NRG1: variants seen among roughly 807,000 people sequenced by gnomAD.
The protein encoded by NRG1 is pro-neuregulin-1, membrane-bound isoform.
NRG1 carries 18 observed loss-of-function variants against 63.8 expected under a neutral mutation model. The ratio of observed to expected loss-of-function variants is 0.28; its 90% CI spans 0.19 to 0.42. NRG1 has a LOEUF of 0.42. Among genes scored for constraint, NRG1 ranks in the 10% least tolerant of loss-of-function variants. The probability of loss-of-function intolerance (pLI) is 1.00; values close to 1 mark genes in which losing one functional copy is unlikely to be tolerated. For missense variants in NRG1, 762 were observed against 814.7 expected (o/e 0.94, Z 0.79); for synonymous variants, 302 against 301.3 (o/e 1.00, Z -0.02).
rs902033138 is a variant in NRG1 at position 32,356,475 on chromosome 8, C to A, written c.38-239353C>A. Among the ~76,000 whole-genome samples the A allele has an allele frequency of 1.4e-4, 8 of 56,238 alleles. No individual in the cohort carries two copies. In the East Asian group the frequency reaches 2.7e-3, roughly 19 times the overall value. The allele number at this position is 56,238 out of a possible 152,430, so 36.9% of individuals were successfully genotyped here. A position where few individuals can be genotyped will look rare whatever the true frequency, so the allele number is the denominator to read the frequency against. Reference sequence around the variant, plus strand: ...ATCACACAGAGTTTCCTTGTTGGGACCCCCCCCCCACCCGCCGGGCCCCAC... The same window carrying A: ...ATCACACAGAGTTTCCTTGTTGGGAACCCCCCCCCACCCGCCGGGCCCCAC... On this transcript the variant is annotated intron_variant, in intron 1 of 10. Transcript: ENST00000519301.
At chr8:32,650,423 A>G (rs1288002828) in intron 5 of NRG1, among the ~76,000 whole-genome samples, 1 of 152,090 alleles carries the variant, frequency 6.6e-6, no homozygotes, top group Non-Finnish European at 1.5e-5. Context: ...GTTGGTTAAG[A>G]CTTTGAAACC....
chr8:32,298,325 C>T (rs61175036), intron 1 of NRG1, among the ~76,000 whole-genome samples: 7,584 of 152,272 alleles, frequency 0.05, 559 homozygotes, highest in African/African-American at 0.16. Context: ...GAACTGACTA[C>T]AGACTCAGAG....
chr8:31,703,927 C>T (rs1309013288), intron 1 of NRG1, among the ~76,000 whole-genome samples: 2 of 152,186 alleles, frequency 1.3e-5, no homozygotes, highest in Admixed American at 1.3e-4. Flanking sequence ...ACACTTTGCC[C>T]TCCACACATT....
At chr8:32,506,895 A>T (rs990657174) in intron 1 of NRG1, among the ~76,000 whole-genome samples, 11 of 152,084 alleles carry the variant, frequency 7.2e-5, no homozygotes, top group Non-Finnish European at 1.3e-4. Flanking sequence ...AAAATAAGAT[A>T]AAAAAAGCAG....
At chr8:32,660,085 A>C (rs189798352) in intron 5 of NRG1, among the ~76,000 whole-genome samples, 30 of 152,356 alleles carry the variant, frequency 2.0e-4, no homozygotes, top group African/African-American at 6.7e-4. Context: ...AGTACCAAAC[A>C]GTGTACAGGT....
At chr8:31,731,540 G>A (rs1258076305) in intron 1 of NRG1, among the ~76,000 whole-genome samples, 4 of 151,734 alleles carry the variant, frequency 2.6e-5, no homozygotes, top group East Asian at 1.9e-4. Context: ...AATACTTTTG[G>A]TCATACAGGA....
upstream of NRG1, among the ~76,000 whole-genome samples, chr8:32,547,987 C>T (rs1563616431): frequency 6.6e-6 from 1 of 152,144 alleles, no homozygotes; most frequent in African/African-American, 2.4e-5. Flanking sequence ...GCAGCGAGAG[C>T]CTCGGGTCTC....
At chr8:31,959,005 T>C (rs1804960050) in intron 1 of NRG1, among the ~76,000 whole-genome samples, 1 of 152,206 alleles carries the variant, frequency 6.6e-6, no homozygotes, top group Non-Finnish European at 1.5e-5. Context: ...TGGAAATCAC[T>C]CTCTGAATGT....
intron 1 of NRG1, among the ~76,000 whole-genome samples, chr8:32,029,047 A>T (rs1263704660): frequency 1.3e-5 from 2 of 152,094 alleles, no homozygotes; most frequent in African/African-American, 4.8e-5. Context: ...TTTTGTTAAA[A>T]CCTTCCCCTT....
intron 10 of NRG1, 130 bp from the exon 11 acceptor site, chr8:32,760,070 T>G: frequency 4.1e-6 from 4 of 979,104 alleles, no homozygotes; most frequent in Non-Finnish European, 6.1e-6. Context: ...CGGAGACAAG[T>G]GATGTTACAG....
chr8:32,545,795 T>C (rs1485898707), upstream of NRG1, among the ~76,000 whole-genome samples: 3 of 152,200 alleles, frequency 2.0e-5, no homozygotes, highest in Non-Finnish European at 4.4e-5. Context: ...TCCTGAGAAT[T>C]CAGCTACAAG....
At chr8:32,449,255 C>T (rs981669887) in intron 1 of NRG1, among the ~76,000 whole-genome samples, 4 of 151,870 alleles carry the variant, frequency 2.6e-5, no homozygotes, top group African/African-American at 9.7e-5. Context: ...TGTGAGTGCA[C>T]CACCATACTC....
At chr8:32,259,747 T>G (rs912937910) in intron 1 of NRG1, among the ~76,000 whole-genome samples, 5 of 152,168 alleles carry the variant, frequency 3.3e-5, no homozygotes, top group African/African-American at 1.2e-4. Flanking sequence ...TTCCCTATAC[T>G]CTCATTTCTG....
At chr8:32,548,612 C>T (rs1202142988) in exon 1 of NRG1, 2 of 1,391,092 alleles carry the variant, frequency 1.4e-6, no homozygotes, top group Admixed American at 3.4e-5. Context: ...CGCCTCAGCG[C>T]GGCCGCTCGC....
chr8:31,920,577 G>A (rs1833816603), intron 1 of NRG1, among the ~76,000 whole-genome samples: 1 of 152,000 alleles, frequency 6.6e-6, no homozygotes, highest in East Asian at 1.9e-4. Flanking sequence ...GATCCATCTG[G>A]CTCCTGGGAA....
intron 1 of NRG1, among the ~76,000 whole-genome samples, chr8:32,312,786 C>G (rs1856968182): frequency 2.8e-5 from 1 of 35,598 alleles, no homozygotes; most frequent in African/African-American, 4.8e-5. Flanking sequence ...CTCTCCTTCC[C>G]TTCCTTCCTT....
At position 32,608,351 on chromosome 8, in the gene NRG1, A is replaced by ATTT. The variant is rs1204878176; in HGVS notation, c.400+2670_400+2672dup. On this transcript the variant is annotated intron_variant, in intron 3 of 11. Coordinates refer to ENST00000356819, the Ensembl canonical transcript of NRG1. ...ACGCCTGGCTAATTAAAAAAAAAAA[A>ATTT]TTTTGTTTGAGATGGAGTGTTGCTA... Among the ~76,000 whole-genome samples the ATTT allele has an allele frequency of 6.9e-3, 1,047 of 151,336 alleles. 13 individuals carry two copies. The highest frequency in any genetic ancestry group is 0.024 in the African/African-American group (979 of 41,222).
intron 1 of NRG1, among the ~76,000 whole-genome samples, chr8:31,702,695 A>T: frequency 6.6e-6 from 1 of 152,138 alleles, no homozygotes; most frequent in East Asian, 1.9e-4. Context: ...TTTTCTCAGT[A>T]TTCAGTATTG....
At chr8:31,969,728 T>C (rs1806965684) in intron 1 of NRG1, among the ~76,000 whole-genome samples, 4 of 152,224 alleles carry the variant, frequency 2.6e-5, no homozygotes. Flanking sequence ...AATTTACCTG[T>C]TTCTTTCTTA....
Sources: gnomAD v4.1 joint callset for allele counts (sites outside exome capture counted in the v4.1 genomes callset) on GRCh38, gnomAD v4.1.1 for gene constraint, MANE v1.5 for transcripts, NCBI Gene and HGNC (gene_info 2026-07-23, HGNC 2026-07-21) for gene names.